The following COL5A2 variants were observed in gnomAD, a reference collection of about 807,000 sequenced individuals.
The protein encoded by COL5A2 is collagen type V alpha 2 chain.
COL5A2 carries 23 observed loss-of-function variants against 208.2 expected under a neutral mutation model. That is an observed-to-expected ratio of 0.11 (90% CI 0.08 to 0.16). COL5A2 has a LOEUF of 0.16. Ranked by LOEUF, COL5A2 falls within the 10% of genes least tolerant of loss-of-function variation. The pLI, the probability that COL5A2 is intolerant of heterozygous loss-of-function variation, is 1.00. For synonymous variants in COL5A2, 625 were observed against 628.5 expected (o/e 0.99, Z 0.08); for missense variants, 1,590 against 1,956.4 (o/e 0.81, Z 3.53).
chr2:189,311,208 T>G, the COL5A2 span: 1 of 1,183,122 alleles, frequency 8.5e-7, no homozygotes, highest in African/African-American at 1.5e-5. Context: ...TTTTCACCTC[T>G]GAACTTTTTA....
intron 1 of COL5A2, among the ~76,000 whole-genome samples, chr2:189,126,147 T>C (rs965304699): frequency 1.3e-5 from 2 of 152,070 alleles, no homozygotes; most frequent in African/African-American, 4.8e-5. Context: ...TTATTAGAGA[T>C]TAATTTCACT....
the COL5A2 span, among the ~76,000 whole-genome samples, chr2:189,307,067 T>C: frequency 6.6e-6 from 1 of 152,190 alleles, no homozygotes; most frequent in Non-Finnish European, 1.5e-5. Flanking sequence ...AAAAGTTCAT[T>C]GATATATTTC....
chr2:189,187,433 T>C (rs1688866516), intron 1 of COL5A2, among the ~76,000 whole-genome samples: 1 of 152,208 alleles, frequency 6.6e-6, no homozygotes, highest in African/African-American at 2.4e-5. Flanking sequence ...CCCCACCACT[T>C]ACTACCTGGG....
At chr2:189,136,706 T>C (rs901607124) in intron 1 of COL5A2, among the ~76,000 whole-genome samples, 4 of 151,644 alleles carry the variant, frequency 2.6e-5, no homozygotes, top group Admixed American at 6.6e-5. Context: ...TGTTATATTT[T>C]ATAATAGTTA....
Position 189,062,837 on chromosome 2 carries a change from C to T in COL5A2, c.1977+28G>A, listed in dbSNP as rs1166470089. On this transcript the variant is annotated intron_variant, in intron 29 of 53. Coordinates refer to ENST00000374866, the MANE Select transcript of COL5A2 (RefSeq NM_000393.5). ...TGCAATGTGTGTATATATATATTCT[C>T]ACACACACACACACAAAAATCACAT... is the stretch of plus-strand genomic sequence containing the variant. 5 of 1,586,616 alleles carry T rather than the reference C, an allele frequency of 3.2e-6. No individual in the cohort carries two copies. In the South Asian group the frequency reaches 5.5e-5, roughly 18 times the overall value.
At chr2:189,168,781 G>T (rs780219204) in intron 1 of COL5A2, among the ~76,000 whole-genome samples, 1 of 152,106 alleles carries the variant, frequency 6.6e-6, no homozygotes, top group Non-Finnish European at 1.5e-5. Context: ...TTTAATTAAA[G>T]AATTTCATAG....
At chr2:189,420,611 C>T in the COL5A2 span, among the ~76,000 whole-genome samples, 1 of 151,590 alleles carries the variant, frequency 6.6e-6, no homozygotes, top group Non-Finnish European at 1.5e-5. Flanking sequence ...CTAAAATATA[C>T]AATATTTTAG....
chr2:189,147,468 T>C (rs1688062184), intron 1 of COL5A2, among the ~76,000 whole-genome samples: 1 of 152,130 alleles, frequency 6.6e-6, no homozygotes, highest in African/African-American at 2.4e-5. Context: ...AGAATAACTA[T>C]CTTCTTAACA....
chr2:189,255,839 TAAGATA>T, the COL5A2 span, among the ~76,000 whole-genome samples: 204 of 152,140 alleles, frequency 1.3e-3, no homozygotes, highest in Non-Finnish European at 2.3e-3. Context: ...ATGAAGGGAT[TAAGATA>T]ATGTTTCATA....
chr2:189,292,683 G>C, the COL5A2 span, among the ~76,000 whole-genome samples: 1 of 152,188 alleles, frequency 6.6e-6, no homozygotes, highest in East Asian at 1.9e-4. Context: ...AACCATTGTG[G>C]AAGTCAGTGT....
chr2:189,035,219 T>C (rs555110681), intron 52 of COL5A2, 64 bp from the exon 53 acceptor site: 4 of 1,576,282 alleles, frequency 2.5e-6, no homozygotes, highest in African/African-American at 1.4e-5. Context: ...CTTACACATG[T>C]ATAGATAAAT....
In COL5A2 at chr2:189,179,685, G is replaced by A; in HGVS notation, c.-81C>T. 2 of 1,545,986 alleles carry A rather than the reference G, an allele frequency of 1.3e-6. No individual in the cohort carries two copies. The highest frequency in any genetic ancestry group is 1.2e-5 in the South Asian group (1 of 84,584). On this transcript the variant is annotated 5_prime_UTR_variant, in exon 1 of 54. Coordinates refer to ENST00000374866, the MANE Select transcript of COL5A2 (RefSeq NM_000393.5). ...ATTGTAGCACCATGAAGTCAGCTGTGGGCTCTTCTTTCAGCACCAGCCCCA... is the reference window on the plus strand; with the variant it reads ...ATTGTAGCACCATGAAGTCAGCTGTAGGCTCTTCTTTCAGCACCAGCCCCA...
the COL5A2 span, among the ~76,000 whole-genome samples, chr2:189,282,795 G>T: frequency 2.0e-5 from 3 of 152,156 alleles, no homozygotes; most frequent in African/African-American, 7.2e-5. Context: ...GAGCACAAGA[G>T]ATTAGAACAA....
At chr2:189,107,667 T>G (rs1025188002) in intron 2 of COL5A2, among the ~76,000 whole-genome samples, 10 of 151,608 alleles carry the variant, frequency 6.6e-5, no homozygotes, top group Admixed American at 5.3e-4. Context: ...GAACTATGAT[T>G]TTTTGTTAAA....
At chr2:189,241,280 C>G in the COL5A2 span, among the ~76,000 whole-genome samples, 2 of 151,972 alleles carry the variant, frequency 1.3e-5, no homozygotes, top group Non-Finnish European at 2.9e-5. Flanking sequence ...CTATTGGGTA[C>G]AACATTCACT....
Position 189,179,583 on chromosome 2 carries a change from C to T in COL5A2, c.22G>A (p.Ala8Thr). The change falls in exon 1 of 54, where the codon GCA becomes ACA. Residue 8 changes from alanine (A) to threonine (T), a missense_variant. Coordinates refer to ENST00000374866, the MANE Select transcript of COL5A2 (RefSeq NM_000393.5). ...ACAATAAGAATGAGGAGAGGTCTTG[C>T]TTCCGCCCAGTTTGCCATCATGTCT... MMANWAE[A>T]RPLLILIVLL... The T allele has an allele frequency of 2.5e-6, 4 of 1,608,178 alleles. No individual in the cohort carries two copies. Among genetic ancestry groups the T allele is most frequent in the Non-Finnish European group, 2.5e-6 (3 of 1,176,630 alleles).
At chr2:189,094,993 G>A (rs1262613821) in intron 6 of COL5A2, 1 of 151,996 alleles carries the variant, frequency 6.6e-6, no homozygotes, top group Non-Finnish European at 1.5e-5. Context: ...GGGGATGGCA[G>A]TTTCAACTGG....
chr2:189,062,838 A>T (rs749043932), intron 29 of COL5A2, 27 bp downstream of exon 29: 2 of 1,575,248 alleles, frequency 1.3e-6, no homozygotes, highest in Middle Eastern at 1.7e-4. Context: ...ATATATTCTC[A>T]CACACACACA....
At chr2:189,151,865 C>T (rs927843753) in intron 1 of COL5A2, among the ~76,000 whole-genome samples, 5 of 152,162 alleles carry the variant, frequency 3.3e-5, no homozygotes, top group Non-Finnish European at 7.4e-5. Flanking sequence ...TTAAAAGCCA[C>T]TTTACTTTAA....
Sources: gnomAD v4.1 joint callset for allele counts (sites outside exome capture counted in the v4.1 genomes callset) on GRCh38, gnomAD v4.1.1 for gene constraint, MANE v1.5 for transcripts, NCBI Gene and HGNC (gene_info 2026-07-23, HGNC 2026-07-21) for gene names.